The following RNF152 variants were observed in gnomAD, a reference collection of about 807,000 sequenced individuals.
RNF152 encodes the protein E3 ubiquitin-protein ligase RNF152.
A neutral mutation model predicts 12.7 loss-of-function variants in RNF152; 11 were observed. The ratio of observed to expected loss-of-function variants is 0.86; its 90% CI spans 0.54 to 1.43. The LOEUF (loss-of-function observed/expected upper bound fraction) is 1.43. Among genes scored for constraint, RNF152 ranks in the 40% most tolerant of loss-of-function variants. The pLI is 0.00. For synonymous variants in RNF152, 113 were observed against 120.3 expected (o/e 0.94, Z 0.40); for missense variants, 255 against 274.8 (o/e 0.93, Z 0.51).
At chr18:61,834,845 T>C (rs1275043535) in intron 1 of RNF152, among the ~76,000 whole-genome samples, 4 of 152,192 alleles carry the variant, frequency 2.6e-5, no homozygotes, top group South Asian at 2.1e-4. Context: ...TAAACTTAGA[T>C]GTTAAACTAG....
intron 1 of RNF152, among the ~76,000 whole-genome samples, chr18:61,887,057 A>C (rs762153885): frequency 6.6e-6 from 1 of 152,252 alleles, no homozygotes; most frequent in Non-Finnish European, 1.5e-5. Flanking sequence ...AGAGGCAATG[A>C]AAAACATTTT....
chr18:61,808,129 A>G lies in RNF152; in HGVS notation c.*7723T>C, dbSNP rs1335995355. ...TGTTTTTACGGTAGTCATAAAATCA[A>G]CATTACCACATATACAAAGGACAAG... On this transcript the variant is annotated 3_prime_UTR_variant, in exon 2 of 2. Transcript: ENST00000312828. The G allele has an allele frequency of 6.6e-6, 1 of 152,132 alleles. No individual in the cohort carries two copies. 9.4% of individuals were successfully genotyped at this position (152,132 alleles called of 1,614,324 possible). A position where few individuals can be genotyped will look rare whatever the true frequency, so the allele number is the denominator to read the frequency against.
rs181146022 is a variant in RNF152, at chr18:61,822,355, G to C, written c.-135-5757C>G. Among the ~76,000 whole-genome samples the C allele has an allele frequency of 3.4e-4, 51 of 152,198 alleles. 1 individual carries two copies. The highest frequency in any genetic ancestry group is 1.2e-3 in the African/African-American group (49 of 41,526). On this transcript the variant is annotated intron_variant, in intron 1 of 1. Transcript: ENST00000312828. ...AAGGGGTCTTTGTGTTGTTGTTGCT[G>C]TTGTTATTTTGAGGCCCTAGATATT...
chr18:61,829,888 G>T (rs1441003105), intron 1 of RNF152, among the ~76,000 whole-genome samples: 1 of 151,962 alleles, frequency 6.6e-6, no homozygotes, highest in East Asian at 1.9e-4. Flanking sequence ...ACTTCAGGGG[G>T]GCAAGTGTAA....
chr18:61,846,898 T>C (rs377334730), intron 1 of RNF152, among the ~76,000 whole-genome samples: 1 of 152,084 alleles, frequency 6.6e-6, no homozygotes, highest in African/African-American at 2.4e-5. Context: ...TGGATTTGAG[T>C]CCCAACTCTT....
At chr18:61,872,085 C>G (rs971046384) in intron 1 of RNF152, among the ~76,000 whole-genome samples, 4 of 151,910 alleles carry the variant, frequency 2.6e-5, no homozygotes, top group African/African-American at 9.7e-5. Flanking sequence ...AGGAAACTTA[C>G]AAACATGGTG....
intron 1 of RNF152, among the ~76,000 whole-genome samples, chr18:61,851,617 A>G (rs961879724): frequency 2.2e-4 from 33 of 152,238 alleles, no homozygotes; most frequent in African/African-American, 7.7e-4. Context: ...AGTAAGTTTC[A>G]GAGCCAAGGT....
intron 1 of RNF152, among the ~76,000 whole-genome samples, chr18:61,853,101 G>C (rs1048120628): frequency 6.6e-6 from 1 of 152,060 alleles, no homozygotes; most frequent in South Asian, 2.1e-4. Context: ...ACAAGAACTG[G>C]GATAGGCAAG....
intron 1 of RNF152, among the ~76,000 whole-genome samples, chr18:61,877,506 C>T (rs552058172): frequency 2.6e-4 from 39 of 152,278 alleles, no homozygotes; most frequent in Non-Finnish European, 4.4e-4. Flanking sequence ...ACAAATATCT[C>T]AACTCGAACT....
chr18:61,816,480 G>A lies in RNF152; in HGVS notation c.-17C>T. 6.3e-7 allele frequency: 1 copy of A among 1,581,712 alleles called. No individual in the cohort carries two copies. Among genetic ancestry groups the A allele is most frequent in the Non-Finnish European group, 8.6e-7 (1 of 1,159,296 alleles). On this transcript the variant is annotated 5_prime_UTR_variant, in exon 2 of 2. Coordinates refer to ENST00000312828, the MANE Select transcript of RNF152 (RefSeq NM_173557.3). ...CGTCTCCATGGTGGACCGTGAGCAG[G>A]AAGGGCAAGGCCAAGGTGAAGGGGA... is the stretch of plus-strand genomic sequence containing the variant.
intron 1 of RNF152, among the ~76,000 whole-genome samples, chr18:61,844,730 A>G (rs1458866517): frequency 6.6e-6 from 1 of 152,210 alleles, no homozygotes; most frequent in Non-Finnish European, 1.5e-5. Flanking sequence ...GGTAGGTCAT[A>G]TGTGCTTAAA....
rs1375650661 is a variant in RNF152, at chr18:61,810,226, A to T, written c.*5626T>A. 1 of 152,178 alleles carries T rather than the reference A, an allele frequency of 6.6e-6. No homozygotes were observed. The highest frequency in any genetic ancestry group is 1.5e-5 in the Non-Finnish European group (1 of 68,038). The allele number at this position is 152,178 out of a possible 1,614,324, so 9.4% of individuals were successfully genotyped here. On this transcript the variant is annotated 3_prime_UTR_variant, in exon 2 of 2. Coordinates refer to ENST00000312828, the MANE Select transcript of RNF152 (RefSeq NM_173557.3). ...ACTCACAAATTGGAAAACATGACTA[A>T]TAACAGTTTTTTACTGAATTTTAAC...
At chr18:61,894,241 G>GC (rs1482799007), upstream of RNF152, 2 of 150,416 alleles carry the variant, frequency 1.3e-5, no homozygotes, top group African/African-American at 4.9e-5. The surrounding 1 kb of genome is among the most constrained non-coding windows in gnomAD (Gnocchi z 4.9). Flanking sequence ...GCTCCTTTCA[G>GC]CCAGACTCGC....
At chr18:61,817,120 T>G (rs1909144650) in intron 1 of RNF152, among the ~76,000 whole-genome samples, 1 of 152,204 alleles carries the variant, frequency 6.6e-6, no homozygotes, top group African/African-American at 2.4e-5. Flanking sequence ...ATATATGGGT[T>G]AGGATTGTTC....
chr18:61,862,382 TC>T (rs1389802149), intron 1 of RNF152, among the ~76,000 whole-genome samples: 1 of 152,046 alleles, frequency 6.6e-6, no homozygotes, highest in Non-Finnish European at 1.5e-5. Context: ...GAGATGACCA[TC>T]CTGAAAAGAA....
At chr18:61,869,475 C>A (rs761471286) in intron 1 of RNF152, among the ~76,000 whole-genome samples, 18 of 152,196 alleles carry the variant, frequency 1.2e-4, no homozygotes, top group Non-Finnish European at 2.4e-4. Context: ...TGTCACCTCA[C>A]CACAGACGGC....
At chr18:61,820,565 G>A (rs886478200) in intron 1 of RNF152, among the ~76,000 whole-genome samples, 8 of 151,990 alleles carry the variant, frequency 5.3e-5, no homozygotes, top group African/African-American at 1.2e-4. Context: ...GTTGAGCTAC[G>A]GGTGGGTAGG....
intron 1 of RNF152, among the ~76,000 whole-genome samples, chr18:61,858,695 C>CTA (rs1174913509): frequency 1.3e-5 from 2 of 152,150 alleles, no homozygotes; most frequent in African/African-American, 4.8e-5. Flanking sequence ...CCTAAAACTT[C>CTA]TATATTCCAT....
intron 1 of RNF152, among the ~76,000 whole-genome samples, chr18:61,856,696 T>C (rs1181934274): frequency 1.3e-5 from 2 of 152,174 alleles, no homozygotes; most frequent in African/African-American, 2.4e-5. Context: ...GAGCAATCTT[T>C]TGTACTTTTG....
Sources: allele counts gnomAD v4.1 joint callset (sites outside exome capture counted in the v4.1 genomes callset), GRCh38; gene constraint gnomAD v4.1.1; non-coding constraint Gnocchi (gnomAD v3.1); transcripts MANE v1.5; gene names NCBI Gene and HGNC (gene_info 2026-07-23, HGNC 2026-07-21).